The following ANO2 variants were observed in gnomAD, a reference collection of about 807,000 sequenced individuals.
ANO2 encodes anoctamin 2.
ANO2 carries 101 observed loss-of-function variants against 124.2 expected under a neutral mutation model. The observed-to-expected ratio is 0.81, with a 90% CI of 0.69 to 0.96. The LOEUF (loss-of-function observed/expected upper bound fraction) is 0.96, where lower values mean the gene tolerates loss of function less well. Ranked by LOEUF, ANO2 falls within the 40% of genes least tolerant of loss-of-function variation. The pLI, the probability that ANO2 is intolerant of heterozygous loss-of-function variation, is 0.00. For missense variants in ANO2, 1,293 were observed against 1,274.5 expected (o/e 1.01, Z -0.22); for synonymous variants, 486 against 482.5 (o/e 1.01, Z -0.09).
At chr12:5,565,500 G>A in intron 24 of ANO2, 58 bp downstream of exon 24, 1 of 1,415,822 alleles carries the variant, frequency 7.1e-7, no homozygotes, top group Non-Finnish European at 9.8e-7. Context: ...AATGAGTGCA[G>A]TGTCCTTACT....
At position 5,571,681 on chromosome 12, in the gene ANO2, C is replaced by G. The variant is rs138030667; in HGVS notation, c.2621+4153G>C. 2.3e-3 allele frequency among the ~76,000 whole-genome samples: 349 copies of G among 152,308 alleles called. 1 individual carries two copies. Among genetic ancestry groups the G allele is most frequent in the African/African-American group, 7.6e-3 (315 of 41,584 alleles). The stretch of plus-strand genomic sequence containing the variant: ...CTTCTCTATCATAGTCCCTTCTCCT[C>G]CTCCTCCCCTCTCTCTTTCTTCTCT... On this transcript the variant is annotated intron_variant, in intron 23 of 24. Coordinates refer to ENST00000682330, the MANE Select transcript of ANO2 (RefSeq NM_001364791.2).
At chr12:5,918,112 C>CT (rs144547951) in intron 3 of ANO2, among the ~76,000 whole-genome samples, 23,058 of 152,166 alleles carry the variant, frequency 0.15, 1,974 homozygotes, top group Middle Eastern at 0.2. Context: ...GTTCCTGGAG[C>CT]GAGAATGCAT....
chr12:5,811,937 C>T (rs1011927156), intron 7 of ANO2, among the ~76,000 whole-genome samples: 1 of 152,078 alleles, frequency 6.6e-6, no homozygotes, highest in African/African-American at 2.4e-5. Flanking sequence ...TGAAAGAATT[C>T]TAAAAAGTTT....
At chr12:5,721,512 GT>G (rs1369450473) in intron 14 of ANO2, among the ~76,000 whole-genome samples, 2 of 130,030 alleles carry the variant, frequency 1.5e-5, no homozygotes, top group Non-Finnish European at 1.7e-5. Flanking sequence ...TTTTTTTTTT[GT>G]TTTTTTTTAA....
Position 5,750,863 on chromosome 12 carries a change from C to T in ANO2, c.1163G>A (p.Cys388Tyr). ...VIGVIVFLYG[C>Y]ATIEEDIPSR... ...GGGAATATCTTCTTCAATTGTTGCA[C>T]ATCCATAAAGAAACACAATCACTCC... Residue 388 changes from cysteine (C) to tyrosine (Y), a missense_variant, in exon 11 of 25, where the codon TGT (cysteine) becomes TAT (tyrosine). By Grantham distance (194) the Cys-to-Tyr change is radical (BLOSUM62 -2). Coordinates refer to ENST00000682330, the MANE Select transcript of ANO2 (RefSeq NM_001364791.2). 6.2e-7 allele frequency: 1 copy of T among 1,612,728 alleles called. No individual in the cohort carries two copies.
chr12:5,593,907 T>G (rs184623250), intron 20 of ANO2, among the ~76,000 whole-genome samples: 21 of 152,326 alleles, frequency 1.4e-4, no homozygotes, highest in African/African-American at 5.1e-4. Flanking sequence ...TGAACTTTAA[T>G]GAGGGTTATT....
intron 3 of ANO2, among the ~76,000 whole-genome samples, chr12:5,894,774 C>T: frequency 6.6e-6 from 1 of 152,138 alleles, no homozygotes; most frequent in South Asian, 2.1e-4. Flanking sequence ...TTGTTTTTGT[C>T]AGGTTTGTCA....
In ANO2 at chr12:5,603,568, T is replaced by C. The variant is rs116750617; in HGVS notation, c.2088-3939A>G. ...TATTCTAGGCAGGGAGAGTTATTTA[T>C]GCAACAGCCTAAGGCAAATGTGAAA... On this transcript the variant is annotated intron_variant, in intron 19 of 24. Transcript: ENST00000682330. 3.1e-3 allele frequency among the ~76,000 whole-genome samples: 468 copies of C among 152,222 alleles called. 1 individual carries two copies. The highest frequency in any genetic ancestry group is 1.0e-2 in the African/African-American group (414 of 41,538).
chr12:5,865,068 C>T (rs1163508133), intron 3 of ANO2, among the ~76,000 whole-genome samples: 1 of 152,146 alleles, frequency 6.6e-6, no homozygotes, highest in Non-Finnish European at 1.5e-5. Context: ...TCCCTAAACC[C>T]TTTATGTTAT....
chr12:5,647,611 G>C, intron 15 of ANO2, 116 bp downstream of exon 15: 1 of 874,474 alleles, frequency 1.1e-6, no homozygotes, highest in Admixed American at 2.0e-5. Context: ...CAGGACTGTG[G>C]CTTCCCCTTT....
At chr12:5,944,968 TAAAAA>T (rs112956167) in intron 1 of ANO2, among the ~76,000 whole-genome samples, 158 of 146,002 alleles carry the variant, frequency 1.1e-3, no homozygotes, top group African/African-American at 3.8e-3. Flanking sequence ...CTCCTTGAGT[TAAAAA>T]AAAAACAAAA....
intron 3 of ANO2, among the ~76,000 whole-genome samples, chr12:5,909,063 CAGATCATGATGCTGTTTGCA>C (rs1330691920): frequency 5.9e-5 from 9 of 152,190 alleles, no homozygotes; most frequent in African/African-American, 1.9e-4. Context: ...AGAACATGCA[CAGATCATGATGCTGTTTGCA>C]AGATCCTTTA....
chr12:5,628,272 GCCTGGGTCATCTGACCCACACGGTTGTC>G (rs1380864762), intron 16 of ANO2, among the ~76,000 whole-genome samples: 2 of 152,302 alleles, frequency 1.3e-5, no homozygotes, highest in African/African-American at 4.8e-5. Flanking sequence ...TGTCCTCCCT[GCCTGGGTCATCTGACCCACACGGTTGTC>G]CCCATCCCCA....
chr12:5,923,174 GCACACACACATACACACA>G lies in ANO2; in HGVS notation c.23-388_23-371del, dbSNP rs1565784092. Among the ~76,000 whole-genome samples the G allele has an allele frequency of 5.6e-4, 5 of 8,916 alleles. 1 individual carries two copies. The highest frequency in any genetic ancestry group is 5.4e-3 in the South Asian group (1 of 184). The allele number at this position is 8,916 out of a possible 152,430, so 5.8% of individuals were successfully genotyped here. Reference sequence around the variant, plus strand: ...CATACACACACGCATACACACACACGCACACACACATACACACACACGCACGCACACACACCCACATAC... The same window carrying G: ...CATACACACACGCATACACACACACGCACGCACGCACACACACCCACATAC... On this transcript the variant is annotated intron_variant, in intron 1 of 24. Transcript: ENST00000682330.
intron 14 of ANO2, among the ~76,000 whole-genome samples, chr12:5,706,437 G>A (rs1049984035): frequency 1.3e-5 from 2 of 151,684 alleles, no homozygotes; most frequent in Admixed American, 6.6e-5. Flanking sequence ...CGGGGCCTTT[G>A]CACTTGCTAT....
intron 3 of ANO2, among the ~76,000 whole-genome samples, chr12:5,857,319 G>T (rs757107028): frequency 1.1e-4 from 16 of 152,192 alleles, no homozygotes; most frequent in African/African-American, 1.9e-4. Context: ...ATTGTGAATA[G>T]TCCTGCAATA....
rs756446981 is a variant in ANO2, at chr12:5,900,684, A to G, written c.534+20356T>C. 2.0e-4 allele frequency among the ~76,000 whole-genome samples: 30 copies of G among 151,892 alleles called. No individual in the cohort carries two copies. The highest frequency in any genetic ancestry group is 7.0e-4 in the African/African-American group (29 of 41,340). On this transcript the variant is annotated intron_variant, in intron 3 of 24. Transcript: ENST00000682330. The surrounding 1 kb of genome is among the most constrained non-coding windows in gnomAD (Gnocchi z 4.2). ...CCTGCCATCCTGGCACAGCCTGACCACAATCCCCTTCCCCATGGGTGGGGC... is the reference window on the plus strand; with the variant it reads ...CCTGCCATCCTGGCACAGCCTGACCGCAATCCCCTTCCCCATGGGTGGGGC...
intron 23 of ANO2, among the ~76,000 whole-genome samples, chr12:5,568,291 G>A (rs1312928883): frequency 2.6e-5 from 4 of 151,902 alleles, no homozygotes; most frequent in African/African-American, 7.2e-5. Context: ...ACAGGCGCCC[G>A]CCACCACACC....
intron 10 of ANO2, among the ~76,000 whole-genome samples, chr12:5,770,541 T>C (rs1952045672): frequency 6.6e-6 from 1 of 152,168 alleles, no homozygotes; most frequent in South Asian, 2.1e-4. Flanking sequence ...CCACTTCCAA[T>C]TCATCAGTAA....
Sources: gnomAD v4.1 joint callset for allele counts (sites outside exome capture counted in the v4.1 genomes callset) on GRCh38, gnomAD v4.1.1 for gene constraint, Gnocchi (gnomAD v3.1) non-coding constraint, MANE v1.5 for transcripts, NCBI Gene and HGNC (gene_info 2026-07-23, HGNC 2026-07-21) for gene names.